The following MYO1H variants were observed in gnomAD, a reference collection of about 807,000 sequenced individuals.
MYO1H encodes myosin IH.
In MYO1H, 118 loss-of-function variants were observed where a neutral mutation model predicts 149.3. The ratio of observed to expected loss-of-function variants is 0.79; its 90% CI spans 0.68 to 0.92. The LOEUF is 0.92. MYO1H is among the 40% of genes least tolerant of loss of function. The pLI, the probability that MYO1H is intolerant of heterozygous loss-of-function variation, is 0.00. For missense variants in MYO1H, 1,212 were observed against 1,280.7 expected, an observed-to-expected ratio of 0.95 and a Z score of 0.82; for synonymous variants, 447 against 465.2, an observed-to-expected ratio of 0.96 and a Z score of 0.50.
chr12:109,415,922 A>G (rs1870883957), intron 15 of MYO1H, among the ~76,000 whole-genome samples: 1 of 147,966 alleles, frequency 6.8e-6, no homozygotes, highest in African/African-American at 2.5e-5. Context: ...ATTTTATTTT[A>G]TTTTATTTTA....
At chr12:109,365,908 C>T (rs1045519348) in intron 1 of MYO1H, among the ~76,000 whole-genome samples, 3 of 152,186 alleles carry the variant, frequency 2.0e-5, no homozygotes, top group African/African-American at 7.2e-5. Flanking sequence ...GCTAGCATCA[C>T]TGCCGATGCT....
At chr12:109,420,919 G>A (rs1871146567) in intron 15 of MYO1H, 62 bp from the exon 16 acceptor site, 13 of 864,834 alleles carry the variant, frequency 1.5e-5, no homozygotes, top group Admixed American at 9.9e-5. Context: ...AATGAGTTGG[G>A]ATGGAATTGT....
intron 21 of MYO1H, 81 bp from the exon 22 acceptor site, chr12:109,436,407 C>T (rs2135595094): frequency 1.0e-6 from 1 of 970,194 alleles, no homozygotes; most frequent in East Asian, 2.6e-5. Flanking sequence ...TTCCATCGGC[C>T]CCCAAACACC....
chr12:109,431,402 TA>T (rs1871610087), intron 19 of MYO1H, among the ~76,000 whole-genome samples: 1 of 151,102 alleles, frequency 6.6e-6, no homozygotes, highest in African/African-American at 2.5e-5. Flanking sequence ...ATAAATAACA[TA>T]AATATAATAA....
chr12:109,349,163 C>A (rs748603715), intron 1 of MYO1H, among the ~76,000 whole-genome samples: 5 of 152,164 alleles, frequency 3.3e-5, no homozygotes, highest in Non-Finnish European at 5.9e-5. Flanking sequence ...CAGTGAAAGA[C>A]AACAGATAGG....
intron 18 of MYO1H, among the ~76,000 whole-genome samples, chr12:109,427,080 C>T (rs1008597883): frequency 6.6e-6 from 1 of 152,068 alleles, no homozygotes; most frequent in Non-Finnish European, 1.5e-5. Context: ...TTTTGGGAGG[C>T]CGAGGCGGGT....
chr12:109,324,013 G>GA, the MYO1H span, among the ~76,000 whole-genome samples: 160 of 141,784 alleles, frequency 1.1e-3, no homozygotes, highest in East Asian at 6.0e-3. Flanking sequence ...CCTGACTCAA[G>GA]AAAAAAAAAA....
chr12:109,427,316 CAAA>C (rs34644066), intron 18 of MYO1H, among the ~76,000 whole-genome samples, 150 bp from the exon 19 acceptor site: 24 of 101,214 alleles, frequency 2.4e-4, no homozygotes, highest in Admixed American at 9.3e-4. Flanking sequence ...AACCCCATCT[CAAA>C]AAAAAAAAAA....
intron 7 of MYO1H, among the ~76,000 whole-genome samples, chr12:109,405,626 AAG>A (rs1262771054): frequency 1.3e-5 from 2 of 152,174 alleles, no homozygotes; most frequent in Non-Finnish European, 2.9e-5. Context: ...TATTTTATAA[AAG>A]TGTTTTATTT....
chr12:109,434,135 G>A (rs1331691928), intron 20 of MYO1H, among the ~76,000 whole-genome samples: 4 of 152,076 alleles, frequency 2.6e-5, no homozygotes, highest in South Asian at 2.1e-4. Flanking sequence ...TTAGCCTCTC[G>A]AGTAGCTGGG....
Position 109,436,482 on chromosome 12 carries a change from T to G in MYO1H, c.2141-6T>G. The G allele has an allele frequency of 6.2e-7, 1 of 1,607,348 alleles. No individual in the cohort carries two copies. Among genetic ancestry groups the G allele is most frequent in the Non-Finnish European group, 8.5e-7 (1 of 1,176,316 alleles). Reference sequence around the variant, plus strand: ...CATTTCACCAAAACGTCTGTTTTATTTTAAGTTGCAAGAATCCAAGCCACT... The same window carrying G: ...CATTTCACCAAAACGTCTGTTTTATGTTAAGTTGCAAGAATCCAAGCCACT... On this transcript the variant is annotated splice_region_variant and splice_polypyrimidine_tract_variant and intron_variant, in intron 21 of 31. Transcript: ENST00000310903.
chr12:109,368,691 G>A (rs1415647050), intron 1 of MYO1H, among the ~76,000 whole-genome samples: 2 of 149,636 alleles, frequency 1.3e-5, no homozygotes, highest in East Asian at 3.9e-4. Flanking sequence ...AGATGTTAAG[G>A]ATATATTGGG....
rs539394522 is a variant in MYO1H at position 109,406,982 on chromosome 12, G to A, written c.1035+122G>A. ...TTGATCCTAGCTCACCAGGCCCTGC[G>A]TGGTCCAGCTCCTGTGGAGTGTCCT... On this transcript the variant is annotated intron_variant, in intron 9 of 31. Transcript: ENST00000310903. 1.5e-3 allele frequency: 1,202 copies of A among 789,834 alleles called. 25 individuals are homozygous for A. In the South Asian group the frequency reaches 0.018, roughly 12 times the overall value. The allele number at this position is 789,834 out of a possible 1,614,324, so 48.9% of individuals were successfully genotyped here.
intron 1 of MYO1H, among the ~76,000 whole-genome samples, chr12:109,384,937 T>C (rs925591730): frequency 1.3e-5 from 2 of 152,248 alleles, no homozygotes; most frequent in Admixed American, 6.5e-5. Context: ...CATTGACTCC[T>C]AATCAGCAGA....
intron 19 of MYO1H, 90 bp downstream of exon 19, chr12:109,427,676 C>T: frequency 1.2e-6 from 1 of 869,060 alleles, no homozygotes; most frequent in Non-Finnish European, 1.9e-6. Context: ...AATGGCATCC[C>T]TTAGGAAGGC....
At chr12:109,444,846 C>T (rs755009666) in intron 30 of MYO1H, among the ~76,000 whole-genome samples, 7 of 148,274 alleles carry the variant, frequency 4.7e-5, no homozygotes, top group Admixed American at 2.7e-4. Context: ...CCAGCCTGGG[C>T]AACAGAGATA....
At chr12:109,362,455 C>A (rs143596746) in intron 1 of MYO1H, among the ~76,000 whole-genome samples, 33 of 152,164 alleles carry the variant, frequency 2.2e-4, no homozygotes, top group African/African-American at 8.0e-4. Context: ...ACTGAGAAAC[C>A]AATTACAAAA....
Position 109,442,250 on chromosome 12 carries a change from T to TA in MYO1H, c.2668dup (p.Ile890AsnfsTer2). ...GACATTAATCCGAAAGTGCTTCAGC[T>TA]AATTAGCCATGAGAAAATCCAGGTA... is the stretch of plus-strand genomic sequence containing the variant. On this transcript the variant is annotated frameshift_variant, in exon 27 of 32. Transcript: ENST00000310903. LOFTEE classifies it high-confidence loss of function. 6.2e-7 allele frequency: 1 copy of TA among 1,613,924 alleles called. No individual in the cohort carries two copies. The highest frequency in any genetic ancestry group is 8.5e-7 in the Non-Finnish European group (1 of 1,179,828).
At chr12:109,311,751 C>G in the MYO1H span, among the ~76,000 whole-genome samples, 1 of 152,166 alleles carries the variant, frequency 6.6e-6, no homozygotes, top group African/African-American at 2.4e-5. Context: ...GAGAGGATCC[C>G]AGGCCTTATA....
Sources: allele counts gnomAD v4.1 joint callset (sites outside exome capture counted in the v4.1 genomes callset), GRCh38; gene constraint gnomAD v4.1.1; transcripts MANE v1.5; gene names NCBI Gene and HGNC (gene_info 2026-07-23, HGNC 2026-07-21).